The following TTLL6 variants were observed in gnomAD, a reference collection of about 807,000 sequenced individuals.
TTLL6 encodes tubulin tyrosine ligase like 6, also known as tubulin polyglutamylase TTLL6.
Under a neutral mutation model 96.4 loss-of-function variants are expected in TTLL6, and 75 were observed. The ratio of observed to expected loss-of-function variants is 0.78; its 90% confidence interval spans 0.65 to 0.94. TTLL6 has a LOEUF of 0.94. Ranked by LOEUF, TTLL6 falls within the 40% of genes least tolerant of loss-of-function variation. The probability of loss-of-function intolerance (pLI) is 0.00; values close to 1 mark genes in which losing one functional copy is unlikely to be tolerated. For synonymous variants in TTLL6, 411 were observed against 419.4 expected, an observed-to-expected ratio of 0.98 and a Z score of 0.24; for missense variants, 1,030 against 1,093.0, an observed-to-expected ratio of 0.94 and a Z score of 0.81.
At chr17:48,783,958 T>C (rs964430546) in intron 13 of TTLL6, among the ~76,000 whole-genome samples, 1 of 152,150 alleles carries the variant, frequency 6.6e-6, no homozygotes, top group African/African-American at 2.4e-5. Flanking sequence ...AGTTCAAAGG[T>C]GTACTACCAA....
chr17:48,776,932 G>A (rs2038883563), intron 13 of TTLL6, among the ~76,000 whole-genome samples: 1 of 151,378 alleles, frequency 6.6e-6, no homozygotes, highest in Non-Finnish European at 1.5e-5. Context: ...CAGCAAAAGT[G>A]GAGGACTTAT....
At position 48,796,923 on chromosome 17, in the gene TTLL6, G is replaced by A. The variant is rs890571601; in HGVS notation, c.912+138C>T. 1.0e-5 allele frequency: 10 copies of A among 994,528 alleles called. No individual in the cohort carries two copies. The Admixed American group carries it at 1.7e-4, about 17-fold the overall frequency. The allele number at this position is 994,528 out of a possible 1,614,324, so 61.6% of individuals were successfully genotyped here. On this transcript the variant is annotated intron_variant, in intron 7 of 15. Transcript: ENST00000393382. ...CCTCTCTCTGAGGGATCCTGGCAGCGCTAAATGAAACCCGGCACATAGCAA... is the reference window on the plus strand; with the variant it reads ...CCTCTCTCTGAGGGATCCTGGCAGCACTAAATGAAACCCGGCACATAGCAA...
chr17:48,800,303 G>C (rs973082093), intron 5 of TTLL6: 1 of 152,680 alleles, frequency 6.5e-6, no homozygotes, highest in Non-Finnish European at 1.5e-5. Flanking sequence ...GAGTATGGGA[G>C]AGCAAATCAT....
At chr17:48,816,269 C>A (rs1361603825) in intron 1 of TTLL6, among the ~76,000 whole-genome samples, 1 of 150,774 alleles carries the variant, frequency 6.6e-6, no homozygotes, top group Non-Finnish European at 1.5e-5. Context: ...AAAGTGAGCC[C>A]CCCCACCCCC....
rs562823539 is a variant in TTLL6 at position 48,779,141 on chromosome 17, C to T, written c.2040+5782G>A. ...GGGAGGGGATGAAAACTTGAATATA[C>T]TTGACAAAGAAAGATAAATAACCAG... is the stretch of plus-strand genomic sequence containing the variant. On this transcript the variant is annotated intron_variant, in intron 13 of 15. Coordinates refer to ENST00000393382, the MANE Select transcript of TTLL6 (RefSeq NM_001130918.3). Among the ~76,000 whole-genome samples the T allele has an allele frequency of 8.6e-5, 13 of 151,794 alleles. No individual in the cohort carries two copies. In the South Asian group the frequency reaches 1.0e-3, roughly 12 times the overall value.
intron 1 of TTLL6, among the ~76,000 whole-genome samples, chr17:48,808,155 G>C (rs1045135791): frequency 7.2e-5 from 11 of 152,182 alleles, no homozygotes; most frequent in African/African-American, 2.7e-4. Context: ...GTTTTTAATG[G>C]CTGTATGTAT....
chr17:48,798,071 G>C (rs1037591075), intron 6 of TTLL6, among the ~76,000 whole-genome samples: 1 of 150,738 alleles, frequency 6.6e-6, no homozygotes, highest in African/African-American at 2.4e-5. Flanking sequence ...TCACACCGCT[G>C]CACTCCAGCC....
intron 13 of TTLL6, among the ~76,000 whole-genome samples, chr17:48,779,117 G>T (rs2038938608): frequency 6.6e-6 from 1 of 151,744 alleles, no homozygotes; most frequent in African/African-American, 2.4e-5. Flanking sequence ...GGAAAAAAAG[G>T]GAGGGGATGA....
At position 48,811,142 on chromosome 17, in the gene TTLL6, C is replaced by T. The variant is rs963503975; in HGVS notation, c.103+5828G>A. Among the ~76,000 whole-genome samples, 3 of 147,242 alleles carry T rather than the reference C, an allele frequency of 2.0e-5. No homozygotes were observed. The Admixed American group carries it at 2.1e-4, about 10-fold the overall frequency. On this transcript the variant is annotated intron_variant, in intron 1 of 15. Transcript: ENST00000393382. ...AGAGTGCAGTGGCATGATTTCGGCT[C>T]ACTGCAACCTCTGCTTCCTGGGTTC...
At chr17:48,814,318 CAA>C (rs398030988) in intron 1 of TTLL6, among the ~76,000 whole-genome samples, 5 of 52,864 alleles carry the variant, frequency 9.5e-5, no homozygotes, top group East Asian at 6.0e-4. Flanking sequence ...GACAGTGTCT[CAA>C]AAAAAAAAAA....
chr17:48,804,868 TC>T lies in TTLL6; in HGVS notation c.226del (p.Glu76LysfsTer8). The T allele has an allele frequency of 6.4e-7, 1 of 1,552,342 alleles. No homozygotes were observed. The highest frequency in any genetic ancestry group is 8.7e-7 in the Non-Finnish European group (1 of 1,147,130). On this transcript the variant is annotated frameshift_variant, in exon 2 of 16. Coordinates refer to ENST00000393382, the MANE Select transcript of TTLL6 (RefSeq NM_001130918.3). LOFTEE classifies it high-confidence loss of function. ...KGDSSKEDPK[E>X]TVALAFVREN... is the part of the protein sequence containing the mutation. ...TCTCACAAAAGCCAGCGCGACGGTT[TC>T]TTTTGGATCTTCTTTGGAACTGTCC...
rs369826006 is a variant in TTLL6, at chr17:48,790,142, G to A, written c.1225-36C>T. ...AAGATTGGCAGCTGGTGACAAAGCC[G>A]TCCAGAATGAAAGCAGAGAGTGAGG... On this transcript the variant is annotated intron_variant, in intron 9 of 15. Coordinates refer to ENST00000393382, the MANE Select transcript of TTLL6 (RefSeq NM_001130918.3). 8.3e-5 allele frequency: 134 copies of A among 1,605,868 alleles called. 1 individual carries two copies. Among genetic ancestry groups the A allele is most frequent in the South Asian group, 3.6e-4 (32 of 89,952 alleles).
Position 48,797,043 on chromosome 17 carries a change from T to C in TTLL6, c.912+18A>G, listed in dbSNP as rs2039328326. Reference sequence around the variant, plus strand: ...ACGCTATGGGGGTAGGGTGAGGTAGTGTGTCTCCTTAGCTCACCAGGTTGT... The same window carrying C: ...ACGCTATGGGGGTAGGGTGAGGTAGCGTGTCTCCTTAGCTCACCAGGTTGT... On this transcript the variant is annotated intron_variant, in intron 7 of 15. Transcript: ENST00000393382. 6.5e-7 allele frequency: 1 copy of C among 1,548,314 alleles called. No homozygotes were observed. The highest frequency in any genetic ancestry group is 8.7e-7 in the Non-Finnish European group (1 of 1,145,178).
chr17:48,777,156 T>C (rs1469432227), intron 13 of TTLL6, among the ~76,000 whole-genome samples: 1 of 152,150 alleles, frequency 6.6e-6, no homozygotes, highest in African/African-American at 2.4e-5. Flanking sequence ...TAAAGGAAAG[T>C]CTTTACAATA....
rs765654163 is a variant in TTLL6 at position 48,797,081 on chromosome 17, G to A, written c.892C>T (p.Arg298Cys). The change falls in exon 7 of 16, where the codon CGC (arginine) becomes TGC (cysteine). Residue 298 changes from arginine (R) to cysteine (C), a missense_variant. Transcript: ENST00000393382. The part of the protein sequence containing the change: ...LARFATTSYS[R>C]PCTDNLDDIC... Reference sequence around the variant, plus strand: ...CTCACCAGGTTGTCTGTGCAAGGGCGGGAGTAAGAGGTCGTCGCAAAGCGG... The same window carrying A: ...CTCACCAGGTTGTCTGTGCAAGGGCAGGAGTAAGAGGTCGTCGCAAAGCGG... 93 of 1,551,312 alleles carry A rather than the reference G, an allele frequency of 6.0e-5. No homozygotes were observed. Among genetic ancestry groups the A allele is most frequent in the Non-Finnish European group, 7.7e-5 (88 of 1,146,940 alleles).
At chr17:48,797,785 C>T (rs1227391442) in intron 6 of TTLL6, among the ~76,000 whole-genome samples, 2 of 37,010 alleles carry the variant, frequency 5.4e-5, no homozygotes, top group African/African-American at 1.7e-4. Flanking sequence ...AAAACTCCAT[C>T]TCAAAAAAAA....
intron 13 of TTLL6, among the ~76,000 whole-genome samples, chr17:48,777,496 C>T (rs1039780530): frequency 3.3e-5 from 5 of 151,982 alleles, no homozygotes; most frequent in East Asian, 3.9e-4. Context: ...TTTGGGAGGC[C>T]GAGGCGGGTG....
chr17:48,787,274 G>A (rs2039118998), intron 11 of TTLL6, among the ~76,000 whole-genome samples: 2 of 152,172 alleles, frequency 1.3e-5, no homozygotes, highest in Admixed American at 6.5e-5. Context: ...AGCTTTGAGG[G>A]GGTGGCTATC....
chr17:48,804,014 G>C, intron 2 of TTLL6, 86 bp from the exon 3 acceptor site: 1 of 1,468,340 alleles, frequency 6.8e-7, no homozygotes, highest in Admixed American at 2.0e-5. Context: ...TCCTGTCCCA[G>C]GTGGAGCTGT....
Sources: gnomAD v4.1 joint callset for allele counts (sites outside exome capture counted in the v4.1 genomes callset) on GRCh38, gnomAD v4.1.1 for gene constraint, MANE v1.5 for transcripts, NCBI Gene and HGNC (gene_info 2026-07-23, HGNC 2026-07-21) for gene names.